ERBB4: variants seen among roughly 807,000 people sequenced by gnomAD.
The protein encoded by ERBB4 is erb-b2 receptor tyrosine kinase 4.
A neutral mutation model predicts 158.0 loss-of-function variants in ERBB4; 42 were observed. That is an observed-to-expected ratio of 0.27 (90% CI 0.21 to 0.34). The LOEUF is 0.34. ERBB4 is among the 10% of genes least tolerant of loss of function. ERBB4 has a pLI of 1.00. For missense variants in ERBB4, 1,333 were observed against 1,624.1 expected (o/e 0.82, Z 3.08); for synonymous variants, 583 against 558.7 (o/e 1.04, Z -0.61).
chr2:211,723,762 T>A (rs1414965991), intron 6 of ERBB4, among the ~76,000 whole-genome samples: 1 of 152,216 alleles, frequency 6.6e-6, no homozygotes, highest in Non-Finnish European at 1.5e-5. Context: ...GTACACAGAT[T>A]GCTCAGGAAC....
rs375259432 is a variant in ERBB4 at position 211,438,465 on chromosome 2, ACTTT to A, written c.2488-7369_2488-7366del. Among the ~76,000 whole-genome samples, 59 of 152,244 alleles carry A rather than the reference ACTTT, an allele frequency of 3.9e-4. 1 individual carries two copies. The East Asian group carries it at 9.5e-3, about 24-fold the overall frequency. On this transcript the variant is annotated intron_variant, in intron 20 of 27. Transcript: ENST00000342788. Reference sequence around the variant, plus strand: ...TTTATACAACATTTGTGTTTGTTTCACTTTCTTTATTTGTTAAATGGGGGTAATA... The same window carrying A: ...TTTATACAACATTTGTGTTTGTTTCACTTTATTTGTTAAATGGGGGTAATA...
At chr2:211,612,540 G>T (rs761957722) in intron 19 of ERBB4, among the ~76,000 whole-genome samples, 3 of 151,972 alleles carry the variant, frequency 2.0e-5, no homozygotes, top group Non-Finnish European at 4.4e-5. Flanking sequence ...GAGTTCATTA[G>T]GTATGATTGG....
chr2:211,563,483 A>G (rs150828880), intron 19 of ERBB4, among the ~76,000 whole-genome samples: 1 of 152,314 alleles, frequency 6.6e-6, no homozygotes, highest in African/African-American at 2.4e-5. Context: ...GAGAAACGTA[A>G]AAGAAGTGTA....
intron 1 of ERBB4, among the ~76,000 whole-genome samples, chr2:212,209,458 C>A (rs2082865603): frequency 6.6e-6 from 1 of 152,096 alleles, no homozygotes; most frequent in Non-Finnish European, 1.5e-5. Flanking sequence ...TTATGATATA[C>A]TCCTGACATT....
At chr2:212,131,324 T>A (rs192987560) in intron 1 of ERBB4, among the ~76,000 whole-genome samples, 1 of 152,176 alleles carries the variant, frequency 6.6e-6, no homozygotes. Flanking sequence ...AAAATATAAA[T>A]CATTCATGTC....
At chr2:212,402,626 T>G (rs901039159) in intron 1 of ERBB4, among the ~76,000 whole-genome samples, 16 of 152,218 alleles carry the variant, frequency 1.1e-4, no homozygotes, top group African/African-American at 3.9e-4. Context: ...GGCTTCTGTG[T>G]ATTATTTATT....
At chr2:211,886,792 A>G (rs1301696692) in intron 3 of ERBB4, among the ~76,000 whole-genome samples, 1 of 152,300 alleles carries the variant, frequency 6.6e-6, no homozygotes, top group East Asian at 1.9e-4. Flanking sequence ...AGACTGTCCT[A>G]TTACTTGTAT....
At chr2:212,038,343 TAAC>T (rs1304514773) in intron 2 of ERBB4, among the ~76,000 whole-genome samples, 1 of 152,110 alleles carries the variant, frequency 6.6e-6, no homozygotes, top group African/African-American at 2.4e-5. Flanking sequence ...AAGCAAAATC[TAAC>T]AACTTTATAA....
At chr2:211,707,525 A>T (rs531596310) in intron 9 of ERBB4, among the ~76,000 whole-genome samples, 1 of 152,200 alleles carries the variant, frequency 6.6e-6, no homozygotes, top group East Asian at 1.9e-4. Context: ...TTTCCCTTCC[A>T]TTGTCTAGCA....
chr2:212,100,518 A>G (rs2079053041), intron 2 of ERBB4, among the ~76,000 whole-genome samples: 1 of 152,196 alleles, frequency 6.6e-6, no homozygotes, highest in African/African-American at 2.4e-5. Flanking sequence ...AAGTATTCAT[A>G]GGCATGTTGT....
chr2:211,554,897 T>A (rs954509217), intron 20 of ERBB4, among the ~76,000 whole-genome samples: 1 of 152,196 alleles, frequency 6.6e-6, no homozygotes, highest in African/African-American at 2.4e-5. Context: ...AATTAATACC[T>A]GAGTTAAACA....
chr2:212,085,714 T>G (rs2078584410), intron 2 of ERBB4, among the ~76,000 whole-genome samples: 1 of 151,926 alleles, frequency 6.6e-6, no homozygotes, highest in South Asian at 2.1e-4. Flanking sequence ...ACTTTAAAAC[T>G]ATGTTATTTG....
rs188380501 is a variant in ERBB4 at position 212,402,673 on chromosome 2, G to A, written c.82+135776C>T. On this transcript the variant is annotated intron_variant, in intron 1 of 27. Transcript: ENST00000342788. Reference sequence around the variant, plus strand: ...TGAATCTGCAATTATCTCTTAAAATGTTCAATTAAAAGTCAGTAATTTGCA... The same window carrying A: ...TGAATCTGCAATTATCTCTTAAAATATTCAATTAAAAGTCAGTAATTTGCA... Among the ~76,000 whole-genome samples, 1,065 of 151,964 alleles carry A rather than the reference G, an allele frequency of 7.0e-3. 7 individuals are homozygous for A. The highest frequency in any genetic ancestry group is 0.02 in the Middle Eastern group (6 of 294).
Position 212,155,700 on chromosome 2 carries a change from T to G in ERBB4, c.83-30797A>C, listed in dbSNP as rs143298520. Among the ~76,000 whole-genome samples, 1,008 of 152,224 alleles carry G rather than the reference T, an allele frequency of 6.6e-3. 7 individuals are homozygous for G. Among genetic ancestry groups the G allele is most frequent in the Middle Eastern group, 0.024 (7 of 294 alleles). The stretch of plus-strand genomic sequence containing the variant: ...TTCACTGAACTCTGATTGAAATTTA[T>G]CATTCCCATCAGTTATGAATGTAGC... On this transcript the variant is annotated intron_variant, in intron 1 of 27. Transcript: ENST00000342788.
At chr2:212,073,554 A>G (rs1036470098) in intron 2 of ERBB4, among the ~76,000 whole-genome samples, 2 of 151,980 alleles carry the variant, frequency 1.3e-5, no homozygotes, top group African/African-American at 4.8e-5. Context: ...GTCAGAGGAT[A>G]AACACTAGTT....
intron 1 of ERBB4, among the ~76,000 whole-genome samples, chr2:212,218,818 T>C (rs2083190719): frequency 6.6e-6 from 1 of 151,428 alleles, no homozygotes; most frequent in Admixed American, 6.6e-5. Flanking sequence ...TGTATGTTTC[T>C]TAATTTACAC....
chr2:212,340,802 A>T (rs891914251), intron 1 of ERBB4, among the ~76,000 whole-genome samples: 1 of 152,008 alleles, frequency 6.6e-6, no homozygotes, highest in African/African-American at 2.4e-5. Context: ...GGGGTTGAGG[A>T]CCCCTGTTCT....
chr2:211,404,462 T>G (rs2063108370), intron 25 of ERBB4, among the ~76,000 whole-genome samples: 1 of 152,086 alleles, frequency 6.6e-6, no homozygotes, highest in Non-Finnish European at 1.5e-5. Flanking sequence ...GAGAACAGAA[T>G]CTAAATGTCT....
chr2:211,545,206 C>T (rs147620522), intron 20 of ERBB4, among the ~76,000 whole-genome samples: 1 of 152,130 alleles, frequency 6.6e-6, no homozygotes, highest in African/African-American at 2.4e-5. Context: ...AGACGCTTAA[C>T]ATTTTTTTTA....
Sources: gnomAD v4.1 joint callset for allele counts (sites outside exome capture counted in the v4.1 genomes callset) on GRCh38, gnomAD v4.1.1 for gene constraint, MANE v1.5 for transcripts, NCBI Gene and HGNC (gene_info 2026-07-23, HGNC 2026-07-21) for gene names.